JARID2: variants seen among roughly 807,000 people sequenced by gnomAD.
JARID2 encodes the protein jumonji and AT-rich interaction domain containing 2, also known as protein Jumonji.
A neutral mutation model predicts 125.6 loss-of-function variants in JARID2; 21 were observed. The observed-to-expected ratio is 0.17, with a 90% CI of 0.12 to 0.24. The LOEUF (loss-of-function observed/expected upper bound fraction) is 0.24, where lower values mean the gene tolerates loss of function less well. JARID2 is among the 10% of genes least tolerant of loss of function. The pLI is 1.00. For missense variants in JARID2, 1,303 were observed against 1,639.6 expected, an observed-to-expected ratio of 0.79 and a Z score of 3.55; for synonymous variants, 736 against 661.6, an observed-to-expected ratio of 1.11 and a Z score of -1.73.
intron 7 of JARID2, among the ~76,000 whole-genome samples, chr6:15,499,839 C>G (rs1770646051): frequency 6.6e-6 from 1 of 152,146 alleles, no homozygotes; most frequent in Non-Finnish European, 1.5e-5. Context: ...CATCCCTGGT[C>G]TTGCTGGTGT....
intron 1 of JARID2, among the ~76,000 whole-genome samples, chr6:15,339,989 T>C (rs1195121191): frequency 2.6e-5 from 4 of 152,012 alleles, no homozygotes; most frequent in African/African-American, 9.7e-5. Context: ...AATTGGAGTC[T>C]TGCCTTGCTG....
intron 2 of JARID2, among the ~76,000 whole-genome samples, chr6:15,398,566 G>T (rs1362461326): frequency 6.6e-6 from 1 of 152,178 alleles, no homozygotes; most frequent in African/African-American, 2.4e-5. Context: ...TATTTACAAC[G>T]GAGAGTTTTG....
At chr6:15,489,119 C>A (rs191252690) in intron 6 of JARID2, among the ~76,000 whole-genome samples, 8 of 152,316 alleles carry the variant, frequency 5.3e-5, no homozygotes, top group African/African-American at 1.4e-4. Context: ...GGGAGAAAGA[C>A]AGAAAGACAG....
At chr6:15,311,394 A>G (rs946160669) in intron 1 of JARID2, among the ~76,000 whole-genome samples, 26 of 152,348 alleles carry the variant, frequency 1.7e-4, no homozygotes, top group African/African-American at 2.4e-4. Flanking sequence ...CCTGACCAAC[A>G]TGGAGAAACC....
In JARID2 at chr6:15,496,825, C is replaced by T; in HGVS notation, c.1600C>T (p.His534Tyr). The part of the protein sequence containing the change: ...NRSTSQPESV[H>Y]KPQDSGKAEK... ...TTCTACCTCGCAACCGGAGTCCGTG[C>T]ACAAGCCGCAGGACTCGGGCAAGGC... The change falls in exon 7 of 18, where the codon CAC (histidine) becomes TAC (tyrosine). Residue 534 changes from histidine to tyrosine, a missense_variant. By Grantham distance (83) the His-to-Tyr change is moderately conservative. Around this residue, in one of 11 missense-constraint regions of JARID2, gnomAD observed 651 missense variants for 581.6 expected, o/e 1.12. Coordinates refer to ENST00000341776, the MANE Select transcript of JARID2 (RefSeq NM_004973.4). The T allele has an allele frequency of 6.2e-7, 1 of 1,601,980 alleles. No individual in the cohort carries two copies. The highest frequency in any genetic ancestry group is 8.5e-7 in the Non-Finnish European group (1 of 1,173,200).
intron 1 of JARID2, among the ~76,000 whole-genome samples, chr6:15,363,188 G>A (rs759237813): frequency 2.6e-5 from 4 of 152,152 alleles, no homozygotes; most frequent in Non-Finnish European, 4.4e-5. Flanking sequence ...CAATTAGAGT[G>A]TTTCTCATGG....
At chr6:15,409,326 G>A (rs1159326650) in intron 2 of JARID2, among the ~76,000 whole-genome samples, 1 of 152,234 alleles carries the variant, frequency 6.6e-6, no homozygotes, top group Non-Finnish European at 1.5e-5. Flanking sequence ...TGCAGATGCT[G>A]TGCTAGCAGT....
Position 15,506,524 on chromosome 6 carries a change from G to A in JARID2, c.2542-612G>A, listed in dbSNP as rs966541687. Among the ~76,000 whole-genome samples, 6 of 152,246 alleles carry A rather than the reference G, an allele frequency of 3.9e-5. No individual in the cohort carries two copies. In the South Asian group the frequency reaches 6.2e-4, roughly 16 times the overall value. On this transcript the variant is annotated intron_variant, in intron 9 of 17. Transcript: ENST00000341776. ...TAAATGTGGTTCCAGCTTTACCAAG[G>A]CTTGTGAGACGAGGGAAGAGGACTT...
chr6:15,344,099 T>C (rs1260762129), intron 1 of JARID2, among the ~76,000 whole-genome samples: 2 of 137,402 alleles, frequency 1.5e-5, no homozygotes, highest in Non-Finnish European at 3.0e-5. Flanking sequence ...TGGGAGTATG[T>C]AGTGATTTTT....
intron 17 of JARID2, among the ~76,000 whole-genome samples, chr6:15,519,828 G>A (rs1771746327): frequency 6.6e-6 from 1 of 152,164 alleles, no homozygotes; most frequent in Non-Finnish European, 1.5e-5. Context: ...AGCAGGCAAA[G>A]CATGGTGGAC....
intron 1 of JARID2, among the ~76,000 whole-genome samples, chr6:15,329,770 AG>A (rs1278116610): frequency 6.6e-6 from 1 of 152,112 alleles, no homozygotes; most frequent in Non-Finnish European, 1.5e-5. Flanking sequence ...CTTATTCTTG[AG>A]GGGAGGAAAA....
At chr6:15,401,237 T>C (rs1003750871) in intron 2 of JARID2, among the ~76,000 whole-genome samples, 1 of 152,174 alleles carries the variant, frequency 6.6e-6, no homozygotes, top group East Asian at 1.9e-4. Flanking sequence ...TTTGATATCC[T>C]CCCTAGGGGC....
intron 4 of JARID2, among the ~76,000 whole-genome samples, chr6:15,463,468 T>A (rs6925211): frequency 5.5e-5 from 8 of 144,682 alleles, no homozygotes; most frequent in African/African-American, 2.1e-4. Flanking sequence ...TGCCCTCTTG[T>A]TGCCCAAGCT....
intron 5 of JARID2, among the ~76,000 whole-genome samples, chr6:15,481,932 G>A (rs1000703276): frequency 7.2e-5 from 11 of 152,102 alleles, no homozygotes; most frequent in African/African-American, 2.2e-4. Context: ...TCTCGTCTCC[G>A]TTTCCCCTTT....
At chr6:15,479,859 G>T (rs1561892043) in intron 5 of JARID2, among the ~76,000 whole-genome samples, 1 of 152,198 alleles carries the variant, frequency 6.6e-6, no homozygotes. Flanking sequence ...GGCAAACCGG[G>T]TTACAGCACT....
At chr6:15,391,831 A>G (rs1289174847) in intron 2 of JARID2, among the ~76,000 whole-genome samples, 2 of 152,170 alleles carry the variant, frequency 1.3e-5, no homozygotes, top group Non-Finnish European at 2.9e-5. Flanking sequence ...GTTTTGTTTC[A>G]GTGGTGAGTG....
At chr6:15,324,043 G>A (rs944619612) in intron 1 of JARID2, among the ~76,000 whole-genome samples, 12 of 151,944 alleles carry the variant, frequency 7.9e-5, no homozygotes, top group East Asian at 1.9e-4. Flanking sequence ...TTAGCCGGGC[G>A]TGGTGGCGGG....
intron 1 of JARID2, among the ~76,000 whole-genome samples, chr6:15,351,402 A>G (rs1049093826): frequency 6.6e-6 from 1 of 152,044 alleles, no homozygotes; most frequent in African/African-American, 2.4e-5. Context: ...AAAACTGGAA[A>G]CCTTCCTTCT....
intron 1 of JARID2, among the ~76,000 whole-genome samples, chr6:15,354,375 T>C (rs1314318779): frequency 6.6e-6 from 1 of 152,212 alleles, no homozygotes; most frequent in Non-Finnish European, 1.5e-5. Context: ...GAAACTGATT[T>C]TGGACTACTT....
Sources: allele counts gnomAD v4.1 joint callset (sites outside exome capture counted in the v4.1 genomes callset), GRCh38; gene constraint gnomAD v4.1.1; regional missense constraint gnomAD v4.1.1; transcripts MANE v1.5; gene names NCBI Gene and HGNC (gene_info 2026-07-23, HGNC 2026-07-21).